The following WDR59 variants were observed in gnomAD, a reference collection of about 807,000 sequenced individuals.
WDR59 encodes WD repeat domain 59.
Under a neutral mutation model 131.2 loss-of-function variants are expected in WDR59, and 100 were observed. The ratio of observed to expected loss-of-function variants is 0.76; its 90% confidence interval spans 0.65 to 0.90. The LOEUF is 0.90. Among genes scored for constraint, WDR59 ranks in the 40% least tolerant of loss-of-function variants. The pLI, the probability that WDR59 is intolerant of heterozygous loss-of-function variation, is 0.00. For synonymous variants in WDR59, 601 were observed against 466.2 expected (o/e 1.29, Z -3.72); for missense variants, 1,203 against 1,262.2 (o/e 0.95, Z 0.71).
chr16:74,901,161 C>T (rs987623652), intron 18 of WDR59, among the ~76,000 whole-genome samples: 4 of 152,178 alleles, frequency 2.6e-5, no homozygotes, highest in Admixed American at 2.6e-4. Flanking sequence ...ACAATCCCAG[C>T]ACTCTGGGAG....
intron 1 of WDR59, among the ~76,000 whole-genome samples, chr16:74,973,712 T>C (rs949050622): frequency 2.6e-5 from 4 of 152,212 alleles, no homozygotes; most frequent in African/African-American, 9.6e-5. Flanking sequence ...GAACATTCTT[T>C]GAATGTCATG....
intron 10 of WDR59, 100 bp downstream of exon 10, chr16:74,921,845 GCT>G: frequency 7.0e-7 from 1 of 1,419,380 alleles, no homozygotes; most frequent in Non-Finnish European, 9.4e-7. Flanking sequence ...CTAAAGCCCA[GCT>G]CTCTCTATGT....
intron 7 of WDR59, among the ~76,000 whole-genome samples, chr16:74,939,912 G>T (rs1301586326): frequency 6.6e-6 from 1 of 152,096 alleles, no homozygotes; most frequent in Non-Finnish European, 1.5e-5. Context: ...TTGAGTCCAG[G>T]AGTTTGAGGC....
At chr16:74,963,567 C>A (rs1254749018) in intron 2 of WDR59, among the ~76,000 whole-genome samples, 1 of 148,504 alleles carries the variant, frequency 6.7e-6, no homozygotes, top group African/African-American at 2.5e-5. Flanking sequence ...GGGAGAGGAA[C>A]AATGTACACT....
chr16:74,983,805 G>C (rs12446580), intron 1 of WDR59, among the ~76,000 whole-genome samples: 9,238 of 151,920 alleles, frequency 0.061, 309 homozygotes, highest in Middle Eastern at 0.14. Flanking sequence ...GGGAGACCCC[G>C]TCTCTACAAA....
intron 8 of WDR59, among the ~76,000 whole-genome samples, chr16:74,935,359 A>G (rs2031718909): frequency 6.6e-6 from 1 of 152,188 alleles, no homozygotes; most frequent in African/African-American, 2.4e-5. Flanking sequence ...ATGTAAAATG[A>G]TATAAACTCA....
chr16:74,950,136 G>A (rs1266955184), intron 4 of WDR59, among the ~76,000 whole-genome samples: 1 of 152,150 alleles, frequency 6.6e-6, no homozygotes, highest in Non-Finnish European at 1.5e-5. Context: ...GAGGTCACAA[G>A]TTCGAGACCA....
At chr16:74,940,380 C>CAAAA (rs1171260871) in intron 7 of WDR59, among the ~76,000 whole-genome samples, 1 of 101,524 alleles carries the variant, frequency 9.8e-6, no homozygotes, top group Non-Finnish European at 2.1e-5. Flanking sequence ...CTCTGTCTCC[C>CAAAA]AAAAAAAAAA....
Position 74,888,295 on chromosome 16 carries a change from C to T in WDR59, c.2220G>A (p.Arg740=). ...ESLLAHYCRL[R]DVQTLAMLCS... The stretch of plus-strand genomic sequence containing the variant: ...AGAGCATCGCCAGTGTCTGAACATC[C>T]CGGAGCCGGCAATAGTGAGCCAACC... Residue 740 remains arginine (R), a synonymous_variant, in exon 22 of 26, where the codon CGG becomes CGA. Coordinates refer to ENST00000262144, the MANE Select transcript of WDR59 (RefSeq NM_030581.4). 1.2e-6 allele frequency: 2 copies of T among 1,613,624 alleles called. No homozygotes were observed. The highest frequency in any genetic ancestry group is 1.7e-6 in the Non-Finnish European group (2 of 1,179,792).
intron 8 of WDR59, among the ~76,000 whole-genome samples, chr16:74,929,496 T>A (rs2031190265): frequency 1.3e-5 from 2 of 152,128 alleles, no homozygotes; most frequent in Non-Finnish European, 2.9e-5. Flanking sequence ...CTCACACCGA[T>A]TAAAATGGCT....
intron 1 of WDR59, among the ~76,000 whole-genome samples, chr16:74,977,664 G>A (rs1227736679): frequency 6.6e-6 from 1 of 152,156 alleles, no homozygotes; most frequent in Non-Finnish European, 1.5e-5. Flanking sequence ...CTCCAGCGTA[G>A]ATAACAGAGC....
At chr16:74,932,179 A>G (rs575253798) in intron 8 of WDR59, among the ~76,000 whole-genome samples, 2 of 151,580 alleles carry the variant, frequency 1.3e-5, no homozygotes, top group Non-Finnish European at 2.9e-5. Flanking sequence ...TTGCAGCCTC[A>G]AACTCCTGGG....
At chr16:74,946,449 T>A (rs963444462) in intron 6 of WDR59, among the ~76,000 whole-genome samples, 3 of 151,968 alleles carry the variant, frequency 2.0e-5, no homozygotes, top group Non-Finnish European at 4.4e-5. Context: ...TGCCCGGGTG[T>A]GGTGGCTCCC....
At chr16:74,899,587 C>T in intron 18 of WDR59, 1 of 896,406 alleles carries the variant, frequency 1.1e-6, no homozygotes, top group South Asian at 1.5e-5. Flanking sequence ...GTCCTGAAAA[C>T]AGCTCGCCTG....
At chr16:74,912,059 G>T in intron 14 of WDR59, 139 bp downstream of exon 14, 1 of 1,161,042 alleles carries the variant, frequency 8.6e-7, no homozygotes, top group Non-Finnish European at 1.2e-6. Context: ...CAAGTTCAGA[G>T]GTTACGTTGC....
At chr16:74,963,724 CA>C (rs2033655305) in intron 2 of WDR59, among the ~76,000 whole-genome samples, 1 of 152,086 alleles carries the variant, frequency 6.6e-6, no homozygotes, top group Non-Finnish European at 1.5e-5. Context: ...ACATCCTGCA[CA>C]TGTATCCTGG....
At chr16:74,915,150 G>C (rs6564183) in intron 13 of WDR59, among the ~76,000 whole-genome samples, 40,874 of 152,058 alleles carry the variant, frequency 0.27, 5,702 homozygotes, top group African/African-American at 0.32. Flanking sequence ...GCCCAGCACA[G>C]CACAGCACAG....
In WDR59 at chr16:74,874,205, AG is replaced by A; in HGVS notation, c.*3del. 6.2e-7 allele frequency: 1 copy of A among 1,611,890 alleles called. No individual in the cohort carries two copies. Among genetic ancestry groups the A allele is most frequent in the Non-Finnish European group, 8.5e-7 (1 of 1,178,496 alleles). On this transcript the variant is annotated 3_prime_UTR_variant, in exon 26 of 26. Coordinates refer to ENST00000262144, the MANE Select transcript of WDR59 (RefSeq NM_030581.4). ...ATTTCAGACAATACCCAACTTCTGT[AG>A]GTTCAGAAAGTGCTTTCAAGCAGGC...
intron 8 of WDR59, among the ~76,000 whole-genome samples, chr16:74,930,145 T>C (rs879436776): frequency 1.3e-5 from 2 of 152,132 alleles, no homozygotes; most frequent in Admixed American, 1.3e-4. Context: ...AACAGGGTGA[T>C]TATAGTCAGT....
Sources: allele counts gnomAD v4.1 joint callset (sites outside exome capture counted in the v4.1 genomes callset), GRCh38; gene constraint gnomAD v4.1.1; transcripts MANE v1.5; gene names NCBI Gene and HGNC (gene_info 2026-07-23, HGNC 2026-07-21).